Variants in RBFOX1 observed in about 807,000 individuals in gnomAD.
The protein encoded by RBFOX1 is RNA binding fox-1 homolog 1, also known as RNA binding protein fox-1 homolog 1.
In RBFOX1, 8 loss-of-function variants were observed where a neutral mutation model predicts 57.7. The observed-to-expected ratio is 0.14, with a 90% confidence interval of 0.08 to 0.25. The LOEUF (loss-of-function observed/expected upper bound fraction) is 0.25, where lower values mean the gene tolerates loss of function less well. RBFOX1 is among the 10% of genes least tolerant of loss of function. RBFOX1 has a pLI of 1.00. For missense variants in RBFOX1, 611 were observed against 548.5 expected (o/e 1.11, Z -1.14); for synonymous variants, 326 against 222.4 (o/e 1.47, Z -4.15).
At chr16:7,348,742 G>T (rs558338464) in intron 4 of RBFOX1, among the ~76,000 whole-genome samples, 7 of 152,170 alleles carry the variant, frequency 4.6e-5, no homozygotes, top group Non-Finnish European at 1.0e-4. Flanking sequence ...AGGAGTTCAA[G>T]ACCACCCTGG....
chr16:7,666,573 A>C (rs2069358468), intron 13 of RBFOX1, among the ~76,000 whole-genome samples: 4 of 152,158 alleles, frequency 2.6e-5, no homozygotes, highest in Admixed American at 2.6e-4. Context: ...AGTAGCAGGA[A>C]GGAGAGGCTG....
At chr16:7,592,456 G>C (rs1051540253) in intron 7 of RBFOX1, among the ~76,000 whole-genome samples, 1 of 152,178 alleles carries the variant, frequency 6.6e-6, no homozygotes, top group Admixed American at 6.5e-5. Context: ...GGACAGGAGG[G>C]TGAGTGTTCA....
rs143839301 is a variant in RBFOX1 at position 6,608,315 on chromosome 16, C to T, written c.-63-46288C>T. Among the ~76,000 whole-genome samples the T allele has an allele frequency of 2.6e-5, 4 of 152,232 alleles. No homozygotes were observed. In the East Asian group the frequency reaches 7.7e-4, roughly 29 times the overall value. On this transcript the variant is annotated intron_variant, in intron 2 of 15. Transcript: ENST00000550418. ...CCATATAGTATCCTGTGGGGAAAAG[C>T]CTATCTTTTGAGCCAGAAAGACTGG...
chr16:5,968,242 T>G (rs2059890296), intron 4 of RBFOX1, among the ~76,000 whole-genome samples: 1 of 151,960 alleles, frequency 6.6e-6, no homozygotes, highest in African/African-American at 2.4e-5. Flanking sequence ...GCCCGGTTAA[T>G]TTTTGTATTT....
chr16:7,439,349 G>A (rs935849878), intron 4 of RBFOX1, among the ~76,000 whole-genome samples: 1 of 147,988 alleles, frequency 6.8e-6, no homozygotes, highest in Non-Finnish European at 1.5e-5. Context: ...GCTAAAGAGT[G>A]CTGTGAAAGG....
intron 3 of RBFOX1, among the ~76,000 whole-genome samples, chr16:6,902,837 C>A (rs949612957): frequency 6.6e-6 from 1 of 152,260 alleles, no homozygotes; most frequent in African/African-American, 2.4e-5. Context: ...CACTGTTTTC[C>A]ATCTGTTCAT....
At chr16:6,278,805 T>A (rs1352837121) in intron 1 of RBFOX1, among the ~76,000 whole-genome samples, 1 of 152,184 alleles carries the variant, frequency 6.6e-6, no homozygotes. Flanking sequence ...AACTCGATAT[T>A]GTTTAAAGAC....
chr16:7,189,006 G>A (rs546518470), intron 4 of RBFOX1, among the ~76,000 whole-genome samples: 67 of 152,226 alleles, frequency 4.4e-4, no homozygotes, highest in African/African-American at 1.5e-3. Context: ...TCAGGCTAGA[G>A]GCAAGTCAAG....
At chr16:7,286,407 G>A (rs1331718411) in intron 4 of RBFOX1, among the ~76,000 whole-genome samples, 1 of 150,272 alleles carries the variant, frequency 6.7e-6, no homozygotes, top group East Asian at 2.0e-4. Context: ...GCTCAAAAGT[G>A]TCAGAGTGGG....
chr16:6,219,693 G>A (rs940441122), intron 1 of RBFOX1, among the ~76,000 whole-genome samples: 1 of 152,072 alleles, frequency 6.6e-6, no homozygotes, highest in African/African-American at 2.4e-5. Flanking sequence ...TGACCAACAT[G>A]GTGAAAACCT....
intron 1 of RBFOX1, among the ~76,000 whole-genome samples, chr16:5,328,383 C>T (rs2151267983): frequency 1.3e-5 from 2 of 152,324 alleles, no homozygotes; most frequent in Middle Eastern, 6.8e-3. Context: ...ATCAAATCTA[C>T]CAACACGTTG....
At chr16:5,382,056 C>G (rs1434878725) in intron 1 of RBFOX1, among the ~76,000 whole-genome samples, 1 of 152,198 alleles carries the variant, frequency 6.6e-6, no homozygotes, top group Non-Finnish European at 1.5e-5. Flanking sequence ...CCAGATGCCC[C>G]TGGGAGAACA....
rs556701583 is a variant in RBFOX1 at position 6,231,433 on chromosome 16, G to C, written c.-126-85562G>C. ...ATAAACATGGAAGGAATCCTACCCAGGTGCTATATAAAGATAAGGATAGGG... is the reference window on the plus strand; with the variant it reads ...ATAAACATGGAAGGAATCCTACCCACGTGCTATATAAAGATAAGGATAGGG... On this transcript the variant is annotated intron_variant, in intron 1 of 15. Coordinates refer to ENST00000550418, the MANE Select transcript of RBFOX1 (RefSeq NM_018723.4). 6.6e-5 allele frequency among the ~76,000 whole-genome samples: 10 copies of C among 152,286 alleles called. No individual in the cohort carries two copies. The South Asian group carries it at 8.3e-4, about 13-fold the overall frequency.
intron 3 of RBFOX1, among the ~76,000 whole-genome samples, chr16:5,643,238 C>T (rs554506570): frequency 6.6e-6 from 1 of 152,156 alleles, no homozygotes. Flanking sequence ...AGGTGAGCCC[C>T]GCTTTTGACC....
chr16:6,930,560 C>T (rs890781576), intron 3 of RBFOX1, among the ~76,000 whole-genome samples: 7 of 152,054 alleles, frequency 4.6e-5, no homozygotes, highest in Admixed American at 4.6e-4. Context: ...CAGGTACCCC[C>T]CACCATGCCT....
At chr16:5,845,269 C>G (rs1318665575) in intron 3 of RBFOX1, among the ~76,000 whole-genome samples, 1 of 152,124 alleles carries the variant, frequency 6.6e-6, no homozygotes, top group Non-Finnish European at 1.5e-5. Flanking sequence ...AGCATTTCCA[C>G]CACCGTTATC....
At chr16:5,452,114 CTCTTTTTT>C (rs948885053) in intron 1 of RBFOX1, among the ~76,000 whole-genome samples, 2 of 134,678 alleles carry the variant, frequency 1.5e-5, no homozygotes, top group African/African-American at 6.1e-5. Context: ...CTCTCTCTCT[CTCTTTTTT>C]TTTTTTTTTT....
chr16:6,879,837 AG>A (rs2062570454), intron 3 of RBFOX1, among the ~76,000 whole-genome samples: 1 of 152,198 alleles, frequency 6.6e-6, no homozygotes, highest in African/African-American at 2.4e-5. Flanking sequence ...AAATTTACAA[AG>A]AGGTTTGAGA....
intron 4 of RBFOX1, among the ~76,000 whole-genome samples, chr16:7,332,267 G>C (rs1304635275): frequency 1.3e-5 from 2 of 152,128 alleles, no homozygotes; most frequent in African/African-American, 4.8e-5. Context: ...TAATAGTACT[G>C]ACTTCAGAGA....
Sources: allele counts gnomAD v4.1 joint callset (sites outside exome capture counted in the v4.1 genomes callset), GRCh38; gene constraint gnomAD v4.1.1; transcripts MANE v1.5; gene names NCBI Gene and HGNC (gene_info 2026-07-23, HGNC 2026-07-21).